The following ATP8B4 variants were observed in gnomAD, a reference collection of about 807,000 sequenced individuals.
ATP8B4 encodes probable phospholipid-transporting ATPase IM.
In ATP8B4, 133 loss-of-function variants were observed where a neutral mutation model predicts 145.6. The observed-to-expected ratio is 0.91, with a 90% CI of 0.79 to 1.05. The LOEUF (loss-of-function observed/expected upper bound fraction) is 1.05, where lower values mean the gene tolerates loss of function less well. ATP8B4 is among the 50% of genes least tolerant of loss of function. ATP8B4 has a pLI of 0.00. For synonymous variants in ATP8B4, 507 were observed against 492.9 expected (o/e 1.03, Z -0.38); for missense variants, 1,458 against 1,425.2 (o/e 1.02, Z -0.37).
intron 6 of ATP8B4, among the ~76,000 whole-genome samples, chr15:50,026,484 C>T: frequency 6.6e-6 from 1 of 152,282 alleles, no homozygotes; most frequent in East Asian, 1.9e-4. Flanking sequence ...GAAGTACTGA[C>T]CAGTGCTGTG....
At chr15:50,018,538 G>T (rs2049280275) in intron 6 of ATP8B4, among the ~76,000 whole-genome samples, 7 of 152,140 alleles carry the variant, frequency 4.6e-5, no homozygotes, top group Admixed American at 3.9e-4. Flanking sequence ...GGAGTATATG[G>T]ATATCTTCCC....
chr15:50,091,777 A>G (rs2055626581), intron 2 of ATP8B4, among the ~76,000 whole-genome samples: 1 of 152,142 alleles, frequency 6.6e-6, no homozygotes, highest in African/African-American at 2.4e-5. Context: ...TAAAATACTA[A>G]TATTTAATGT....
chr15:49,872,494 T>C (rs1306767919), intron 25 of ATP8B4, among the ~76,000 whole-genome samples: 2 of 152,242 alleles, frequency 1.3e-5, no homozygotes, highest in East Asian at 1.9e-4. Flanking sequence ...AAAAACATCA[T>C]TGTAAGCAAG....
At chr15:49,976,894 T>C (rs1212674552) in intron 12 of ATP8B4, among the ~76,000 whole-genome samples, 1 of 152,144 alleles carries the variant, frequency 6.6e-6, no homozygotes, top group African/African-American at 2.4e-5. Context: ...ACAGAGCTTA[T>C]AATTTCACCC....
At chr15:49,941,529 T>C (rs1275626131) in intron 14 of ATP8B4, among the ~76,000 whole-genome samples, 1 of 152,148 alleles carries the variant, frequency 6.6e-6, no homozygotes, top group Non-Finnish European at 1.5e-5. Context: ...ATTCAGTTCC[T>C]ACAATAATGA....
At chr15:49,986,585 A>G (rs2046617776) in intron 10 of ATP8B4, among the ~76,000 whole-genome samples, 1 of 152,196 alleles carries the variant, frequency 6.6e-6, no homozygotes, top group Non-Finnish European at 1.5e-5. Context: ...ACTTTAATGA[A>G]CACTTTGTTG....
chr15:50,140,204 A>G (rs1595639333), intron 1 of ATP8B4, among the ~76,000 whole-genome samples: 1 of 152,190 alleles, frequency 6.6e-6, no homozygotes, highest in Admixed American at 6.5e-5. Context: ...AAAATAAAAG[A>G]ATAAGAAAGA....
chr15:49,931,159 A>G lies in ATP8B4; in HGVS notation c.1602T>C (p.Phe534=), dbSNP rs754065362. Reference sequence around the variant, plus strand: ...TTTTTCTGGTGTTGTTGAAATCCAAAAAGGCAAGTAATTGATAAGTAACTA... The same window carrying G: ...TTTTTCTGGTGTTGTTGAAATCCAAGAAGGCAAGTAATTGATAAGTAACTA... ...GTLVTYQLLA[F]LDFNNTRKRM... is the part of the protein sequence containing the mutation. The change falls in exon 16 of 28, where the codon TTT becomes TTC. Residue 534 remains phenylalanine (F), a synonymous_variant. Coordinates refer to ENST00000284509, the MANE Select transcript of ATP8B4 (RefSeq NM_024837.4). 23 of 1,612,100 alleles carry G rather than the reference A, an allele frequency of 1.4e-5. No homozygotes were observed. The highest frequency in any genetic ancestry group is 1.9e-5 in the Non-Finnish European group (22 of 1,178,828).
chr15:50,005,674 A>C (rs2048245899), intron 7 of ATP8B4, among the ~76,000 whole-genome samples: 1 of 152,226 alleles, frequency 6.6e-6, no homozygotes, highest in Non-Finnish European at 1.5e-5. Context: ...CATAGCTTAA[A>C]TTGCAGAGCT....
intron 20 of ATP8B4, 39 bp from the exon 21 acceptor site, chr15:49,901,278 T>C (rs1339694072): frequency 6.3e-7 from 1 of 1,594,744 alleles, no homozygotes; most frequent in Non-Finnish European, 8.6e-7. Flanking sequence ...TAACAAAGCA[T>C]ACAGAGCATG....
intron 9 of ATP8B4, among the ~76,000 whole-genome samples, chr15:49,993,370 ATAG>A (rs1489710935): frequency 7.7e-6 from 1 of 130,324 alleles, no homozygotes; most frequent in Non-Finnish European, 1.6e-5. Context: ...CCATGTGCTG[ATAG>A]TAGTGTGTGT....
intron 12 of ATP8B4, among the ~76,000 whole-genome samples, chr15:49,976,383 A>G (rs1161423962): frequency 6.7e-6 from 1 of 150,074 alleles, no homozygotes; most frequent in Non-Finnish European, 1.5e-5. Flanking sequence ...GAGGCAGTCA[A>G]TCAGTCTTGA....
intron 1 of ATP8B4, among the ~76,000 whole-genome samples, chr15:50,125,870 C>T (rs777559407): frequency 1.3e-5 from 2 of 152,210 alleles, no homozygotes; most frequent in Non-Finnish European, 2.9e-5. Flanking sequence ...GTAACTGCTG[C>T]TACAGCTTGT....
intron 2 of ATP8B4, among the ~76,000 whole-genome samples, chr15:50,089,272 A>T (rs145723797): frequency 0.18 from 27,278 of 152,208 alleles, 2,838 homozygotes; most frequent in Middle Eastern, 0.31. Flanking sequence ...GTAAAAGTTG[A>T]CAAATGGGAT....
intron 3 of ATP8B4, among the ~76,000 whole-genome samples, chr15:50,050,633 A>T (rs958795285): frequency 7.3e-5 from 11 of 151,682 alleles, no homozygotes; most frequent in Non-Finnish European, 1.6e-4. Flanking sequence ...AAAAAAAAAC[A>T]GGCTAAATGC....
chr15:49,989,038 T>C (rs2046852471), intron 9 of ATP8B4, among the ~76,000 whole-genome samples: 1 of 152,188 alleles, frequency 6.6e-6, no homozygotes, highest in South Asian at 2.1e-4. Flanking sequence ...TCACTGGCAG[T>C]TTCCCAGACA....
chr15:49,943,040 A>G (rs930334056), intron 14 of ATP8B4, among the ~76,000 whole-genome samples: 1 of 152,148 alleles, frequency 6.6e-6, no homozygotes, highest in Non-Finnish European at 1.5e-5. Flanking sequence ...AAAATTTTTA[A>G]AAACAAATTT....
chr15:49,899,481 G>A (rs1453340346), intron 21 of ATP8B4, among the ~76,000 whole-genome samples: 1 of 152,068 alleles, frequency 6.6e-6, no homozygotes, highest in African/African-American at 2.4e-5. Flanking sequence ...GGCTGGATGG[G>A]TAAATGAATA....
At chr15:50,128,258 T>G (rs1165012580) in intron 1 of ATP8B4, among the ~76,000 whole-genome samples, 1 of 152,214 alleles carries the variant, frequency 6.6e-6, no homozygotes, top group African/African-American at 2.4e-5. Flanking sequence ...AAGAGGGAGC[T>G]GGCTTTAGAA....
Sources: gnomAD v4.1 joint callset for allele counts (sites outside exome capture counted in the v4.1 genomes callset) on GRCh38, gnomAD v4.1.1 for gene constraint, MANE v1.5 for transcripts, NCBI Gene and HGNC (gene_info 2026-07-23, HGNC 2026-07-21) for gene names.